Variants in PRR5L observed in about 807,000 individuals in gnomAD.
PRR5L encodes the protein proline rich 5 like, also known as proline-rich protein 5-like.
A neutral mutation model predicts 36.4 loss-of-function variants in PRR5L; 21 were observed. The ratio of observed to expected loss-of-function variants is 0.58; its 90% CI spans 0.41 to 0.83. PRR5L has a LOEUF of 0.83. PRR5L is among the 40% of genes least tolerant of loss of function. The pLI is 0.00. For missense variants in PRR5L, 381 were observed against 473.3 expected, an observed-to-expected ratio of 0.80 and a Z score of 1.81; for synonymous variants, 188 against 197.0, an observed-to-expected ratio of 0.95 and a Z score of 0.38.
intron 1 of PRR5L, among the ~76,000 whole-genome samples, chr11:36,388,921 G>T (rs1857509906): frequency 6.6e-6 from 1 of 151,750 alleles, no homozygotes; most frequent in Non-Finnish European, 1.5e-5. Flanking sequence ...GGATGGTCTG[G>T]ATCTCCTGAC....
chr11:36,351,751 ATATATATT>A (rs1387859638), intron 1 of PRR5L, among the ~76,000 whole-genome samples: 8,197 of 67,086 alleles, frequency 0.12, 532 homozygotes, highest in East Asian at 0.15. Flanking sequence ...TATATAATTT[ATATATATT>A]TATATATTTA....
At chr11:36,451,633 G>A (rs570444700) in intron 8 of PRR5L, among the ~76,000 whole-genome samples, 26 of 152,254 alleles carry the variant, frequency 1.7e-4, no homozygotes, top group Non-Finnish European at 2.2e-4. Flanking sequence ...ATTTTGGTGC[G>A]CCTAGGACAT....
At chr11:36,330,464 T>G (rs1410590678) in intron 1 of PRR5L, among the ~76,000 whole-genome samples, 1 of 152,216 alleles carries the variant, frequency 6.6e-6, no homozygotes, top group African/African-American at 2.4e-5. Context: ...ATCAAGTTAC[T>G]TAGGTAATGT....
intron 4 of PRR5L, among the ~76,000 whole-genome samples, chr11:36,424,404 G>T (rs1157351598): frequency 1.3e-5 from 2 of 152,204 alleles, no homozygotes; most frequent in Non-Finnish European, 2.9e-5. Context: ...TATGGAATTT[G>T]GTGATTTACT....
At chr11:36,426,567 A>T (rs1194376858) in intron 4 of PRR5L, among the ~76,000 whole-genome samples, 1 of 152,242 alleles carries the variant, frequency 6.6e-6, no homozygotes, top group Non-Finnish European at 1.5e-5. Flanking sequence ...AGAATATAAT[A>T]GGGGAAAGAT....
chr11:36,346,326 GT>G (rs371069560), intron 1 of PRR5L, among the ~76,000 whole-genome samples: 33 of 152,274 alleles, frequency 2.2e-4, no homozygotes, highest in African/African-American at 7.9e-4. Context: ...GCTCATGCCT[GT>G]AATCCCAGCC....
At chr11:36,407,979 GAATA>G (rs1857945302) in intron 3 of PRR5L, among the ~76,000 whole-genome samples, 1 of 152,132 alleles carries the variant, frequency 6.6e-6, no homozygotes, top group Admixed American at 6.5e-5. Context: ...CACCCTTTAA[GAATA>G]AATCTGTCAG....
Position 36,465,166 on chromosome 11 carries a change from T to A in PRR5L, c.*2430T>A, listed in dbSNP as rs1252789776. The A allele has an allele frequency of 6.6e-6, 1 of 152,238 alleles. No individual in the cohort carries two copies. Among genetic ancestry groups the A allele is most frequent in the Non-Finnish European group, 1.5e-5 (1 of 68,038 alleles). 9.4% of individuals were successfully genotyped at this position (152,238 alleles called of 1,614,324 possible). On this transcript the variant is annotated 3_prime_UTR_variant, in exon 9 of 9. Transcript: ENST00000530639. ...ACAGAAACCTTTCATGTTGTCTGTT[T>A]CCAAAATGGATTCAATAAACAACAT...
At position 36,344,191 on chromosome 11, in the gene PRR5L, C is replaced by T. The variant is rs2133482954; in HGVS notation, c.-126+47753C>T. On this transcript the variant is annotated intron_variant, in intron 1 of 8. Coordinates refer to ENST00000530639, the MANE Select transcript of PRR5L (RefSeq NM_001160167.2). The surrounding 1 kb of genome is among the most constrained non-coding windows in gnomAD (Gnocchi z 4.1). ...AAGATTGTGCCACTGCACACTCCAG[C>T]CTGGGCAACAAGCGCAAAACTCTGT... 1.3e-5 allele frequency among the ~76,000 whole-genome samples: 2 copies of T among 151,972 alleles called. No homozygotes were observed. Among genetic ancestry groups the T allele is most frequent in the South Asian group, 4.2e-4 (2 of 4,810 alleles).
chr11:36,345,248 A>C (rs1316199320), intron 1 of PRR5L, among the ~76,000 whole-genome samples: 2 of 152,130 alleles, frequency 1.3e-5, no homozygotes, highest in Non-Finnish European at 2.9e-5. Context: ...AGCCCAAGGA[A>C]GTCCTTTGGA....
chr11:36,452,146 G>T (rs1858958910), intron 8 of PRR5L, among the ~76,000 whole-genome samples: 1 of 152,152 alleles, frequency 6.6e-6, no homozygotes, highest in Non-Finnish European at 1.5e-5. Context: ...TTTATTCATT[G>T]TTCTGTCCCC....
At chr11:36,451,654 G>C (rs1858947816) in intron 8 of PRR5L, among the ~76,000 whole-genome samples, 1 of 152,144 alleles carries the variant, frequency 6.6e-6, no homozygotes, top group Non-Finnish European at 1.5e-5. Flanking sequence ...TAATCTTTCT[G>C]TATCTGACAC....
chr11:36,447,084 C>T (rs1054449955), intron 7 of PRR5L, among the ~76,000 whole-genome samples: 2 of 152,200 alleles, frequency 1.3e-5, no homozygotes, highest in African/African-American at 4.8e-5. Context: ...TCACTCAATC[C>T]CAATTCTAAA....
chr11:36,437,193 G>A (rs1858622382), intron 5 of PRR5L, among the ~76,000 whole-genome samples, 192 bp from the exon 6 acceptor site: 1 of 152,152 alleles, frequency 6.6e-6, no homozygotes, highest in South Asian at 2.1e-4. Flanking sequence ...GAGAATCTCT[G>A]TTGGTCTTAG....
rs1388291717 is a variant in PRR5L, at chr11:36,446,369, C to G, written c.514C>G (p.Leu172Val). The change falls in exon 7 of 9, where the codon CTG (leucine) becomes GTG (valine). Residue 172 changes from leucine to valine, a missense_variant. Physicochemically the swap from Leu to Val is conservative, Grantham distance 32 (BLOSUM62 1). Transcript: ENST00000530639. The part of the protein sequence containing the change: ...FRDLVLLKVK[L>V]GDLLLLAQSK... ...AGACCTAGTCTTGCTGAAGGTGAAG[C>G]TGGGTGACCTGCTGCTGCTGGCCCA... 5 of 1,614,162 alleles carry G rather than the reference C, an allele frequency of 3.1e-6. No individual in the cohort carries two copies. The highest frequency in any genetic ancestry group is 4.2e-6 in the Non-Finnish European group (5 of 1,180,024).
chr11:36,356,672 G>T (rs1177489191), intron 1 of PRR5L, among the ~76,000 whole-genome samples: 1 of 152,082 alleles, frequency 6.6e-6, no homozygotes, highest in Non-Finnish European at 1.5e-5. Flanking sequence ...TATCATCAGT[G>T]ATCTTTGCTG....
chr11:36,394,981 C>T (rs957160917), intron 1 of PRR5L, among the ~76,000 whole-genome samples: 17 of 152,048 alleles, frequency 1.1e-4, no homozygotes, highest in African/African-American at 4.1e-4. Flanking sequence ...TCCTTCAGAG[C>T]TATAAGCATT....
At chr11:36,389,636 G>A (rs1267794043) in intron 1 of PRR5L, among the ~76,000 whole-genome samples, 1 of 108,210 alleles carries the variant, frequency 9.2e-6, no homozygotes, top group African/African-American at 4.3e-5. Context: ...TTTTTTGGTA[G>A]AGTTTTGCTC....
chr11:36,345,266 G>A (rs1856853335), intron 1 of PRR5L, among the ~76,000 whole-genome samples: 1 of 152,132 alleles, frequency 6.6e-6, no homozygotes, highest in South Asian at 2.1e-4. Context: ...GGAACAGCAG[G>A]CACAAGGTCG....
Sources: gnomAD v4.1 joint callset for allele counts (sites outside exome capture counted in the v4.1 genomes callset) on GRCh38, gnomAD v4.1.1 for gene constraint, Gnocchi (gnomAD v3.1) non-coding constraint, MANE v1.5 for transcripts, NCBI Gene and HGNC (gene_info 2026-07-23, HGNC 2026-07-21) for gene names.